The following BIRC6 variants were observed in gnomAD, a reference collection of about 807,000 sequenced individuals.
The protein encoded by BIRC6 is dual E2 ubiquitin-conjugating enzyme/E3 ubiquitin-protein ligase BIRC6.
BIRC6 carries 98 observed loss-of-function variants against 503.3 expected under a neutral mutation model. That is an observed-to-expected ratio of 0.19 (90% confidence interval 0.17 to 0.23). The LOEUF is 0.23. Ranked by LOEUF, BIRC6 falls within the 10% of genes least tolerant of loss-of-function variation. The probability of loss-of-function intolerance (pLI) is 1.00; values close to 1 mark genes in which losing one functional copy is unlikely to be tolerated. For missense variants in BIRC6, 5,360 were observed against 5,806.0 expected (o/e 0.92, Z 2.50); for synonymous variants, 2,240 against 2,078.7 (o/e 1.08, Z -2.11).
At position 32,617,717 on chromosome 2, in the gene BIRC6, C is replaced by G; in HGVS notation, c.14395-8C>G. 6.2e-7 allele frequency: 1 copy of G among 1,611,902 alleles called. No individual in the cohort carries two copies. Reference sequence around the variant, plus strand: ...CAGTTCTAACATTAGTCCTTTTCTCCTGCATAGCGTCACACTGCTCAGCTC... The same window carrying G: ...CAGTTCTAACATTAGTCCTTTTCTCGTGCATAGCGTCACACTGCTCAGCTC... On this transcript the variant is annotated splice_region_variant and splice_polypyrimidine_tract_variant and intron_variant, in intron 73 of 73. Transcript: ENST00000421745.
At chr2:32,432,185 G>T (rs2044198837) in intron 12 of BIRC6, among the ~76,000 whole-genome samples, 1 of 152,154 alleles carries the variant, frequency 6.6e-6, no homozygotes, top group Non-Finnish European at 1.5e-5. Context: ...GGAAGCCAAG[G>T]CAGGTAAATC....
intron 12 of BIRC6, 46 bp from the exon 13 acceptor site, chr2:32,433,598 A>G (rs769636946): frequency 1.4e-6 from 2 of 1,467,160 alleles, no homozygotes. Context: ...GTTGTGGCTG[A>G]AGAAAGATTT....
At chr2:32,514,809 A>AAT (rs1269989595) in intron 54 of BIRC6, among the ~76,000 whole-genome samples, 181 bp from the exon 55 acceptor site, 1 of 151,996 alleles carries the variant, frequency 6.6e-6, no homozygotes, top group Non-Finnish European at 1.5e-5. Context: ...TTCAATTTTA[A>AAT]ATATATATAT....
Position 32,608,451 on chromosome 2 carries a change from G to T in BIRC6, c.14259+808G>T, listed in dbSNP as rs779483606. Among the ~76,000 whole-genome samples the T allele has an allele frequency of 4.7e-5, 7 of 149,590 alleles. No homozygotes were observed. The East Asian group carries it at 1.4e-3, about 29-fold the overall frequency. On this transcript the variant is annotated intron_variant, in intron 72 of 73. Coordinates refer to ENST00000421745, the MANE Select transcript of BIRC6 (RefSeq NM_016252.4). ...TCCTGTCCCATCCCGTTTCGTTCTC[G>T]TTGCCCAGGCTGGAGTGCAATGGCA...
intron 23 of BIRC6, among the ~76,000 whole-genome samples, chr2:32,462,312 C>A (rs1488201097): frequency 6.6e-6 from 1 of 152,130 alleles, no homozygotes; most frequent in Non-Finnish European, 1.5e-5. Flanking sequence ...GTTTTTATCC[C>A]AGCTTTTCCA....
chr2:32,368,740 C>G (rs544217291), intron 1 of BIRC6, among the ~76,000 whole-genome samples: 4 of 152,038 alleles, frequency 2.6e-5, no homozygotes, highest in Non-Finnish European at 4.4e-5. Context: ...CAACGTCTTC[C>G]TCCTGGGTTC....
intron 3 of BIRC6, among the ~76,000 whole-genome samples, chr2:32,385,653 TC>T (rs1406446816): frequency 6.6e-6 from 1 of 152,226 alleles, no homozygotes; most frequent in East Asian, 1.9e-4. Context: ...GCTGTGGACT[TC>T]TAGTGTCAGT....
chr2:32,482,646 A>G, intron 39 of BIRC6, 64 bp downstream of exon 39: 1 of 1,565,662 alleles, frequency 6.4e-7, no homozygotes, highest in Non-Finnish European at 8.7e-7. Context: ...ATTTATGTAT[A>G]CTTTGTCCCT....
intron 23 of BIRC6, among the ~76,000 whole-genome samples, chr2:32,461,968 C>G (rs149197386): frequency 9.9e-5 from 15 of 152,030 alleles, no homozygotes; most frequent in Admixed American, 3.9e-4. Flanking sequence ...GCTTCACATA[C>G]GCTTTGGTTC....
chr2:32,398,479 T>G (rs2040225716), intron 6 of BIRC6, among the ~76,000 whole-genome samples: 1 of 152,208 alleles, frequency 6.6e-6, no homozygotes, highest in South Asian at 2.1e-4. Context: ...TGATAAAATG[T>G]ATATGTGTCA....
At chr2:32,401,094 T>C in intron 6 of BIRC6, 69 bp from the exon 7 acceptor site, 4 of 1,322,048 alleles carry the variant, frequency 3.0e-6, no homozygotes, top group Non-Finnish European at 2.1e-6. Flanking sequence ...GATCCTGGAG[T>C]TCTGTTTTAA....
chr2:32,493,202 A>C (rs1169975639), intron 44 of BIRC6, among the ~76,000 whole-genome samples: 2 of 151,978 alleles, frequency 1.3e-5, no homozygotes, highest in Non-Finnish European at 2.9e-5. Context: ...ATTTGTGAAA[A>C]TCTATGTTGA....
intron 45 of BIRC6, 148 bp downstream of exon 45, chr2:32,493,815 G>A: frequency 4.9e-6 from 3 of 613,274 alleles, no homozygotes; most frequent in Non-Finnish European, 8.2e-6. Flanking sequence ...ATATTGGTGT[G>A]TTTCCTGATT....
intron 40 of BIRC6, among the ~76,000 whole-genome samples, chr2:32,487,077 C>T (rs537638756): frequency 6.6e-6 from 1 of 151,400 alleles, no homozygotes; most frequent in Non-Finnish European, 1.5e-5. Flanking sequence ...TTTTGATTAT[C>T]CTGCACACAG....
chr2:32,453,043 A>T (rs2046882034), intron 22 of BIRC6, among the ~76,000 whole-genome samples: 1 of 151,828 alleles, frequency 6.6e-6, no homozygotes, highest in African/African-American at 2.4e-5. Context: ...TGTGATTTAA[A>T]TAATTCTGTT....
chr2:32,375,701 A>G (rs562529280), intron 1 of BIRC6, among the ~76,000 whole-genome samples: 3 of 151,426 alleles, frequency 2.0e-5, no homozygotes, highest in African/African-American at 2.4e-5. Context: ...TACCGTATTG[A>G]TAAGTGCAAT....
rs1247649681 is a variant in BIRC6 at position 32,445,613 on chromosome 2, G to C, written c.4429G>C (p.Val1477Leu). 1 of 1,607,942 alleles carries C rather than the reference G, an allele frequency of 6.2e-7. No individual in the cohort carries two copies. Among genetic ancestry groups the C allele is most frequent in the Non-Finnish European group, 8.5e-7 (1 of 1,176,900 alleles). Residue 1477 changes from valine (V) to leucine (L), a missense_variant, in exon 21 of 74, where the codon GTG becomes CTG. By Grantham distance (32) the Val-to-Leu change is conservative. Around this residue, in one of 16 missense-constraint regions of BIRC6, gnomAD observed 2,299 missense variants for 2,267.2 expected, o/e 1.01. Transcript: ENST00000421745. ...AGCTTGTGCATCTTTGCTTACTGCA[G>C]TGTCCAGACAGTTACAGGACAGGCT... ...STACASLLTAVSRQLQDRLTP... is the reference protein window; with the variant it reads ...STACASLLTALSRQLQDRLTP...
At chr2:32,411,858 G>C (rs1212897613) in intron 9 of BIRC6, among the ~76,000 whole-genome samples, 1 of 152,142 alleles carries the variant, frequency 6.6e-6, no homozygotes. Flanking sequence ...TTGAGATAGA[G>C]ACAGATCAGT....
chr2:32,553,447 A>T (rs1284869536), intron 65 of BIRC6, among the ~76,000 whole-genome samples: 1 of 151,580 alleles, frequency 6.6e-6, no homozygotes, highest in Non-Finnish European at 1.5e-5. Context: ...GAGTGCAGTG[A>T]TATGATCTTG....
Sources: gnomAD v4.1 joint callset for allele counts (sites outside exome capture counted in the v4.1 genomes callset) on GRCh38, gnomAD v4.1.1 for gene constraint, gnomAD v4.1.1 regional missense constraint, MANE v1.5 for transcripts, NCBI Gene and HGNC (gene_info 2026-07-23, HGNC 2026-07-21) for gene names.